DLGAP2: variants seen among roughly 807,000 people sequenced by gnomAD.
DLGAP2 encodes DLG associated protein 2.
Under a neutral mutation model 100.3 loss-of-function variants are expected in DLGAP2, and 26 were observed. That is an observed-to-expected ratio of 0.26 (90% CI 0.19 to 0.36). The LOEUF is 0.36. DLGAP2 is among the 10% of genes least tolerant of loss of function. DLGAP2 has a pLI of 1.00. For missense variants in DLGAP2, 1,858 were observed against 1,453.2 expected, an observed-to-expected ratio of 1.28 and a Z score of -4.53; for synonymous variants, 886 against 630.1, an observed-to-expected ratio of 1.41 and a Z score of -6.08.
At chr8:1,506,067 C>T (rs1239747408) in intron 4 of DLGAP2, among the ~76,000 whole-genome samples, 2 of 152,170 alleles carry the variant, frequency 1.3e-5, no homozygotes, top group African/African-American at 4.8e-5. Flanking sequence ...TAGAGCCTTC[C>T]ACCTGGCAGG....
chr8:768,966 G>C (rs183742618), intron 1 of DLGAP2, among the ~76,000 whole-genome samples: 1 of 152,230 alleles, frequency 6.6e-6, no homozygotes, highest in African/African-American at 2.4e-5. Context: ...CAGCCTGTGT[G>C]AGGGGGCATA....
intron 1 of DLGAP2, among the ~76,000 whole-genome samples, chr8:802,362 A>G (rs1796187703): frequency 6.6e-6 from 1 of 151,440 alleles, no homozygotes; most frequent in Non-Finnish European, 1.5e-5. Context: ...ACCTCAGGCC[A>G]CAGCTTCCCT....
intron 3 of DLGAP2, among the ~76,000 whole-genome samples, chr8:1,464,542 C>T (rs1208910197): frequency 1.3e-5 from 2 of 151,496 alleles, no homozygotes; most frequent in Non-Finnish European, 2.9e-5. Context: ...CAGGACAATA[C>T]CCTTCCAGGA....
chr8:1,039,716 G>A (rs543711560), intron 2 of DLGAP2, among the ~76,000 whole-genome samples: 3 of 132,292 alleles, frequency 2.3e-5, no homozygotes, highest in Non-Finnish European at 3.1e-5. Context: ...CTCGGTTTCC[G>A]TGGTCAGCTT....
chr8:762,622 G>A (rs1440351244), intron 1 of DLGAP2, among the ~76,000 whole-genome samples: 4 of 152,094 alleles, frequency 2.6e-5, no homozygotes, highest in African/African-American at 4.8e-5. Context: ...CACCCAGTGA[G>A]TATGACTCTT....
intron 2 of DLGAP2, among the ~76,000 whole-genome samples, chr8:1,209,780 G>C (rs912217281): frequency 6.6e-6 from 1 of 152,146 alleles, no homozygotes; most frequent in Non-Finnish European, 1.5e-5. Context: ...TTGCACAACT[G>C]TGATGGTCTG....
rs563526418 is a variant in DLGAP2, at chr8:1,503,825, C to T, written c.172+2394C>T. ...AGAAGGAAATGAGAGAATTTGGTGA[C>T]GGTTGGCTGAGAGGACCCTCAAACA... On this transcript the variant is annotated intron_variant, in intron 4 of 14. Coordinates refer to ENST00000637795, the MANE Select transcript of DLGAP2 (RefSeq NM_001346810.2). Among the ~76,000 whole-genome samples, 12 of 152,262 alleles carry T rather than the reference C, an allele frequency of 7.9e-5. No homozygotes were observed. The South Asian group carries it at 1.9e-3, about 24-fold the overall frequency.
At chr8:1,343,556 G>C (rs1337165780) in intron 3 of DLGAP2, among the ~76,000 whole-genome samples, 1 of 152,236 alleles carries the variant, frequency 6.6e-6, no homozygotes, top group East Asian at 1.9e-4. Flanking sequence ...AAGGCCAACA[G>C]GTTACCCCAG....
intron 2 of DLGAP2, among the ~76,000 whole-genome samples, chr8:1,015,162 GAC>G (rs1801421846): frequency 9.2e-5 from 1 of 10,924 alleles, no homozygotes; most frequent in East Asian, 1.1e-3. Flanking sequence ...CAGGACAGAC[GAC>G]GCCTCCACTG....
At chr8:879,953 C>T (rs528740978) in intron 1 of DLGAP2, among the ~76,000 whole-genome samples, 1 of 152,190 alleles carries the variant, frequency 6.6e-6, no homozygotes, top group East Asian at 1.9e-4. Context: ...CCATATCCCT[C>T]GAGTCTGCAG....
intron 3 of DLGAP2, among the ~76,000 whole-genome samples, chr8:1,418,160 C>T (rs554534536): frequency 6.6e-6 from 1 of 152,332 alleles, no homozygotes; most frequent in South Asian, 2.1e-4. Flanking sequence ...CATTCTCCTT[C>T]CGAACCATTT....
chr8:1,348,393 C>T (rs1236013889), intron 3 of DLGAP2, among the ~76,000 whole-genome samples: 22 of 123,922 alleles, frequency 1.8e-4, no homozygotes, highest in South Asian at 2.9e-4. Flanking sequence ...AGTTCCCACA[C>T]AGAGCTGCGC....
intron 1 of DLGAP2, chr8:822,043 T>C: frequency 2.5e-6 from 1 of 398,780 alleles, no homozygotes; most frequent in East Asian, 3.6e-5. Flanking sequence ...GGGGAGGTTA[T>C]TTACCCTTTT....
chr8:1,659,164 T>A (rs1171341828), intron 8 of DLGAP2, among the ~76,000 whole-genome samples: 1 of 152,234 alleles, frequency 6.6e-6, no homozygotes, highest in Non-Finnish European at 1.5e-5. Context: ...AGTGAGTTTC[T>A]TAATCCTGAG....
Position 1,269,038 on chromosome 8 carries a change from C to A in DLGAP2, c.106+10155C>A, listed in dbSNP as rs78512613. On this transcript the variant is annotated intron_variant, in intron 3 of 14. Transcript: ENST00000637795. ...GAGACCAGAGACAAGGAACAGAATTCCCTGATGAACCAATAGGGCATACAG... is the reference window on the plus strand; with the variant it reads ...GAGACCAGAGACAAGGAACAGAATTACCTGATGAACCAATAGGGCATACAG... Among the ~76,000 whole-genome samples the A allele has an allele frequency of 5.1e-3, 774 of 152,220 alleles. 4 individuals are homozygous for A. Among genetic ancestry groups the A allele is most frequent in the African/African-American group, 0.018 (732 of 41,542 alleles).
chr8:749,258 T>G (rs925345764), intron 1 of DLGAP2, among the ~76,000 whole-genome samples: 3 of 152,248 alleles, frequency 2.0e-5, no homozygotes, highest in Non-Finnish European at 4.4e-5. Context: ...CCCAAAGTGC[T>G]GTGATTACAG....
At chr8:776,721 C>G (rs954238769) in intron 1 of DLGAP2, among the ~76,000 whole-genome samples, 13 of 152,112 alleles carry the variant, frequency 8.5e-5, no homozygotes, top group African/African-American at 1.2e-4. Context: ...GAGATAGTTT[C>G]TTATAATTTC....
chr8:1,005,679 C>G (rs549269798), intron 2 of DLGAP2, among the ~76,000 whole-genome samples: 3 of 152,018 alleles, frequency 2.0e-5, no homozygotes, highest in Non-Finnish European at 4.4e-5. Context: ...CTTGGACTCC[C>G]AAAGTGCTGG....
At chr8:985,339 G>A (rs1189399358) in intron 2 of DLGAP2, among the ~76,000 whole-genome samples, 1 of 152,222 alleles carries the variant, frequency 6.6e-6, no homozygotes, top group East Asian at 1.9e-4. Context: ...TTCAGAGTCA[G>A]ATCTAATGCT....
Sources: gnomAD v4.1 joint callset for allele counts (sites outside exome capture counted in the v4.1 genomes callset) on GRCh38, gnomAD v4.1.1 for gene constraint, MANE v1.5 for transcripts, NCBI Gene and HGNC (gene_info 2026-07-23, HGNC 2026-07-21) for gene names.